The following KATNB1 variants were observed in gnomAD, a reference collection of about 807,000 sequenced individuals.
The protein encoded by KATNB1 is katanin p80 WD40 repeat-containing subunit B1.
Under a neutral mutation model 82.3 loss-of-function variants are expected in KATNB1, and 38 were observed. The observed-to-expected ratio is 0.46, with a 90% CI of 0.36 to 0.61. KATNB1 has a LOEUF of 0.61. Among genes scored for constraint, KATNB1 ranks in the 20% least tolerant of loss-of-function variants. The probability of loss-of-function intolerance (pLI) is 0.00; values close to 1 mark genes in which losing one functional copy is unlikely to be tolerated. For missense variants in KATNB1, 749 were observed against 915.7 expected (o/e 0.82, Z 2.35); for synonymous variants, 361 against 368.7 (o/e 0.98, Z 0.24).
intron 4 of KATNB1, among the ~76,000 whole-genome samples, chr16:57,750,179 C>G (rs1008983355): frequency 8.5e-5 from 13 of 152,166 alleles, no homozygotes; most frequent in Admixed American, 3.9e-4. Context: ...GGTTCAGTGC[C>G]CTGCAAACCA....
At position 57,741,683 on chromosome 16, in the gene KATNB1, G is replaced by A; in HGVS notation, c.41-4G>A. ...ATGGCCTCTCCCTCTCCTTCCCTGT[G>A]TAGAAGAGATCGTCGCGCATGCCAG... On this transcript the variant is annotated splice_region_variant and splice_polypyrimidine_tract_variant and intron_variant, in intron 2 of 19. Transcript: ENST00000379661. 1.2e-6 allele frequency: 2 copies of A among 1,613,020 alleles called. No individual in the cohort carries two copies. The highest frequency in any genetic ancestry group is 1.7e-6 in the Non-Finnish European group (2 of 1,179,500).
chr16:57,740,213 G>T (rs949413930), intron 2 of KATNB1, among the ~76,000 whole-genome samples: 1 of 152,162 alleles, frequency 6.6e-6, no homozygotes, highest in African/African-American at 2.4e-5. Context: ...AACTCCCAGC[G>T]CCCTGGCCCA....
rs1391247276 is a variant in KATNB1, at chr16:57,744,551, C to T, written c.289+40C>T. 4.0e-6 allele frequency: 6 copies of T among 1,494,332 alleles called. No homozygotes were observed. In the African/African-American group the frequency reaches 5.5e-5, roughly 14 times the overall value. The allele number at this position is 1,494,332 out of a possible 1,614,324, so 92.6% of individuals were successfully genotyped here. On this transcript the variant is annotated intron_variant, in intron 4 of 19. Coordinates refer to ENST00000379661, the MANE Select transcript of KATNB1 (RefSeq NM_005886.3). ...TTGCCTCCTGTGCACGCACACCTGCCTTAGTCTTCAGGCTCTGCAGTTGTA... is the reference window on the plus strand; with the variant it reads ...TTGCCTCCTGTGCACGCACACCTGCTTTAGTCTTCAGGCTCTGCAGTTGTA...
At chr16:57,756,546 C>T in intron 19 of KATNB1, 74 bp downstream of exon 19, 1 of 1,362,844 alleles carries the variant, frequency 7.3e-7, no homozygotes, top group Non-Finnish European at 1.0e-6. Flanking sequence ...GGCCTGGGCC[C>T]CTCTTACTGA....
chr16:57,740,376 C>A (rs2049133095), intron 2 of KATNB1, among the ~76,000 whole-genome samples: 1 of 152,218 alleles, frequency 6.6e-6, no homozygotes, highest in African/African-American at 2.4e-5. Context: ...GCCCAGGTTT[C>A]TGGCAAGCAG....
rs538143568 is a variant in KATNB1 at position 57,742,913 on chromosome 16, C to T, written c.171+1096C>T. The stretch of plus-strand genomic sequence containing the variant: ...CATTTTACATTCTCACCAGCAGCAT[C>T]GGAACCTGCCCTTTCCTCCCTGCCC... On this transcript the variant is annotated intron_variant, in intron 3 of 19. Transcript: ENST00000379661. 1.7e-4 allele frequency among the ~76,000 whole-genome samples: 26 copies of T among 152,340 alleles called. No homozygotes were observed. In the South Asian group the frequency reaches 4.6e-3, roughly 27 times the overall value.
chr16:57,753,935 T>C lies in KATNB1; in HGVS notation c.1178-10T>C, dbSNP rs1555584608. ...GAGCGCTCACAGCCAGGGGCCTCTT[T>C]CCTCTGCAGGTCGGACGCCACCCCG... On this transcript the variant is annotated splice_polypyrimidine_tract_variant and intron_variant, in intron 12 of 19. Coordinates refer to ENST00000379661, the MANE Select transcript of KATNB1 (RefSeq NM_005886.3). 6.2e-7 allele frequency: 1 copy of C among 1,613,124 alleles called. No homozygotes were observed. Among genetic ancestry groups the C allele is most frequent in the East Asian group, 2.2e-5 (1 of 44,842 alleles).
chr16:57,752,127 T>A, intron 8 of KATNB1, 72 bp downstream of exon 8: 1 of 962,162 alleles, frequency 1.0e-6, no homozygotes, highest in Non-Finnish European at 1.6e-6. Context: ...TGCGTGTCTC[T>A]ACTGCCGGTC....
At position 57,755,479 on chromosome 16, in the gene KATNB1, C is replaced by G; in HGVS notation, c.1551C>G (p.Thr517=). The change falls in exon 16 of 20, where the codon ACC becomes ACG. Residue 517 remains threonine, a synonymous_variant. Transcript: ENST00000379661. ...KNLDTVRAVW[T]MGDIKTSVDS... ...TGGACACTGTGCGGGCTGTGTGGAC[C>G]ATGGGCGACATCAAGGCAAGTGCCC... The G allele has an allele frequency of 6.2e-7, 1 of 1,612,850 alleles. No homozygotes were observed. The highest frequency in any genetic ancestry group is 8.5e-7 in the Non-Finnish European group (1 of 1,179,656).
At chr16:57,750,763 G>A (rs1338387341) in intron 4 of KATNB1, 64 bp from the exon 5 acceptor site, 2 of 1,249,450 alleles carry the variant, frequency 1.6e-6, no homozygotes, top group African/African-American at 2.9e-5. Flanking sequence ...GCCCACAGCA[G>A]CCCTTCCTCT....
At position 57,756,368 on chromosome 16, in the gene KATNB1, G is replaced by C; in HGVS notation, c.1731G>C (p.Thr577=). 1.2e-6 allele frequency: 2 copies of C among 1,613,900 alleles called. No homozygotes were observed. The highest frequency in any genetic ancestry group is 1.7e-6 in the Non-Finnish European group (2 of 1,179,950). Residue 577 remains threonine (T), a synonymous_variant, in exon 19 of 20, where the codon ACG becomes ACC. Transcript: ENST00000379661. ...TCTCCCCCTAAAGCTACGTCCAGACGGGCTGCACCTCCCTGAAGCTGATCC... is the reference window on the plus strand; with the variant it reads ...TCTCCCCCTAAAGCTACGTCCAGACCGGCTGCACCTCCCTGAAGCTGATCC... ...LQSKYESYVQ[T]GCTSLKLILQ...
chr16:57,754,929 G>A lies in KATNB1; in HGVS notation c.1229-1G>A, dbSNP rs943851116. On this transcript the variant is annotated splice_acceptor_variant, in intron 13 of 19. Coordinates refer to ENST00000379661, the MANE Select transcript of KATNB1 (RefSeq NM_005886.3). LOFTEE classifies it high-confidence loss of function. ...CAGTCATCTTTTCCTTTTGCCTCCAGACGCAGCCACAGCAAAGGAGGCAGC... is the reference window on the plus strand; with the variant it reads ...CAGTCATCTTTTCCTTTTGCCTCCAAACGCAGCCACAGCAAAGGAGGCAGC... 5 of 1,613,878 alleles carry A rather than the reference G, an allele frequency of 3.1e-6. No individual in the cohort carries two copies. The African/African-American group carries it at 6.7e-5, about 22-fold the overall frequency.
intron 2 of KATNB1, among the ~76,000 whole-genome samples, chr16:57,737,563 C>T (rs1214732484): frequency 6.6e-6 from 1 of 152,200 alleles, no homozygotes; most frequent in Non-Finnish European, 1.5e-5. Flanking sequence ...ACAGGATGAA[C>T]CCATCCTAAA....
chr16:57,740,363 G>A (rs2049132996), intron 2 of KATNB1, among the ~76,000 whole-genome samples: 1 of 152,148 alleles, frequency 6.6e-6, no homozygotes, highest in Non-Finnish European at 1.5e-5. Context: ...GTGGCCCCTT[G>A]GAGCCCAGGT....
At chr16:57,746,349 CCTCT>C (rs1290098822) in intron 4 of KATNB1, among the ~76,000 whole-genome samples, 5 of 151,596 alleles carry the variant, frequency 3.3e-5, no homozygotes, top group Non-Finnish European at 1.5e-5. Context: ...TCTCTTCCTT[CCTCT>C]CTCTCTCTCT....
Position 57,756,054 on chromosome 16 carries a change from G to A in KATNB1, c.1706G>A (p.Ser569Asn). 6.2e-7 allele frequency: 1 copy of A among 1,608,058 alleles called. No individual in the cohort carries two copies. Among genetic ancestry groups the A allele is most frequent in the Non-Finnish European group, 8.5e-7 (1 of 1,179,982 alleles). The change falls in exon 18 of 20, where the codon AGC becomes AAC. Residue 569 changes from serine (S) to asparagine (N), a missense_variant. By Grantham distance (46) the Ser-to-Asn change is conservative. Around this residue, in one of 3 missense-constraint regions of KATNB1, gnomAD observed 95 missense variants for 131.6 expected, o/e 0.72. Transcript: ENST00000379661. Reference protein sequence around the residue: ...VLPQIEKLLQSKYESYVQTGC... With the variant: ...VLPQIEKLLQNKYESYVQTGC... Reference sequence around the variant, plus strand: ...CCACAGATTGAGAAGCTTCTGCAGAGCAAGTATGAGAGGTGCGTGTGGGGA... The same window carrying A: ...CCACAGATTGAGAAGCTTCTGCAGAACAAGTATGAGAGGTGCGTGTGGGGA...
chr16:57,755,642 A>G, intron 16 of KATNB1, 148 bp downstream of exon 16: 1 of 1,012,030 alleles, frequency 9.9e-7, no homozygotes, highest in Non-Finnish European at 1.4e-6. Flanking sequence ...TGTTTCCGCC[A>G]TCATCATCAT....
intron 19 of KATNB1, 99 bp from the exon 20 acceptor site, chr16:57,756,715 G>T: frequency 2.8e-6 from 4 of 1,439,678 alleles, no homozygotes; most frequent in Non-Finnish European, 3.7e-6. Flanking sequence ...GCCTTCCCTT[G>T]GGAGGAAGGG....
chr16:57,750,857 A>T lies in KATNB1; in HGVS notation c.320A>T (p.Asn107Ile), dbSNP rs1555582836. 1 of 1,614,134 alleles carries T rather than the reference A, an allele frequency of 6.2e-7. No homozygotes were observed. The change falls in exon 5 of 20, where the codon AAC (asparagine) becomes ATC (isoleucine). Residue 107 changes from asparagine (N) to isoleucine (I), a missense_variant. Around this residue, in one of 3 missense-constraint regions of KATNB1, gnomAD observed 247 missense variants for 349.4 expected, o/e 0.71. Transcript: ENST00000379661. ...ILRTLMGHKA[N>I]ICSLDFHPYG... Reference sequence around the variant, plus strand: ...CGCACACTCATGGGACACAAAGCCAACATCTGCAGCCTGGATTTCCACCCG... The same window carrying T: ...CGCACACTCATGGGACACAAAGCCATCATCTGCAGCCTGGATTTCCACCCG...
Sources: allele counts gnomAD v4.1 joint callset (sites outside exome capture counted in the v4.1 genomes callset), GRCh38; gene constraint gnomAD v4.1.1; regional missense constraint gnomAD v4.1.1; transcripts MANE v1.5; gene names NCBI Gene and HGNC (gene_info 2026-07-23, HGNC 2026-07-21).